Variants in DIXDC1 observed in about 807,000 individuals in gnomAD.
The protein encoded by DIXDC1 is DIX domain containing 1, also known as dixin.
DIXDC1 carries 64 observed loss-of-function variants against 103.1 expected under a neutral mutation model. The observed-to-expected ratio is 0.62, with a 90% confidence interval of 0.51 to 0.76. The LOEUF is 0.76. Ranked by LOEUF, DIXDC1 falls within the 30% of genes least tolerant of loss-of-function variation. The pLI is 0.00. For missense variants in DIXDC1, 759 were observed against 834.2 expected (o/e 0.91, Z 1.11); for synonymous variants, 266 against 298.5 (o/e 0.89, Z 1.12).
chr11:111,958,289 A>G lies in DIXDC1; in HGVS notation c.61-6260A>G, dbSNP rs1385324375. Among the ~76,000 whole-genome samples, 1 of 151,686 alleles carries G rather than the reference A, an allele frequency of 6.6e-6. No homozygotes were observed. Among genetic ancestry groups the G allele is most frequent in the African/African-American group, 2.4e-5 (1 of 41,268 alleles). ...GAGCAGGCAGGAGCCCCAACCCCTC[A>G]GGTATAGCTGCAGCTGCAGCTGCCC... On this transcript the variant is annotated intron_variant, in intron 1 of 19. Coordinates refer to ENST00000440460, the MANE Select transcript of DIXDC1 (RefSeq NM_001037954.4). This position sits in a 1 kb window ranked among gnomAD's most constrained non-coding sequence, Gnocchi z 4.2.
Position 111,980,995 on chromosome 11 carries a change from T to G in DIXDC1, c.769+146T>G, listed in dbSNP as rs1354890747. 5.0e-5 allele frequency: 29 copies of G among 580,686 alleles called. No homozygotes were observed. In the African/African-American group the frequency reaches 5.3e-4, roughly 11 times the overall value. 36.0% of individuals were successfully genotyped at this position (580,686 alleles called of 1,614,324 possible). ...CAGCACTAGAGGGCTCTAATGACTT[T>G]GAGCCAATTAATGTGGTTATCCTCT... On this transcript the variant is annotated intron_variant, in intron 6 of 19. Transcript: ENST00000440460.
intron 10 of DIXDC1, 69 bp from the exon 11 acceptor site, chr11:111,992,346 G>A: frequency 7.4e-7 from 1 of 1,358,202 alleles, no homozygotes; most frequent in Non-Finnish European, 1.0e-6. Context: ...AAAGGCTTTA[G>A]TAATTTGTAA....
chr11:111,962,557 T>C (rs1180174153), intron 1 of DIXDC1, among the ~76,000 whole-genome samples: 1 of 151,656 alleles, frequency 6.6e-6, no homozygotes, highest in Non-Finnish European at 1.5e-5. Flanking sequence ...GAACTGTACA[T>C]AATTCAGATG....
upstream of DIXDC1, among the ~76,000 whole-genome samples, chr11:111,936,183 T>C (rs1223485807): frequency 6.6e-6 from 1 of 152,276 alleles, no homozygotes; most frequent in Non-Finnish European, 1.5e-5. Context: ...GACAAGGCCC[T>C]GACCTTCTCT....
chr11:111,966,203 C>T (rs1419898373), intron 2 of DIXDC1, among the ~76,000 whole-genome samples: 1 of 143,428 alleles, frequency 7.0e-6, no homozygotes, highest in African/African-American at 2.6e-5. Flanking sequence ...CTGCAAAACC[C>T]GGGGTTTTTT....
At chr11:111,934,972 G>A (rs782230045), upstream of DIXDC1, among the ~76,000 whole-genome samples, 4 of 152,170 alleles carry the variant, frequency 2.6e-5, no homozygotes, top group Non-Finnish European at 4.4e-5. Flanking sequence ...CAGTAGCCAC[G>A]TATGGCCACT....
At chr11:111,939,115 ACC>A (rs1966326262) in intron 1 of DIXDC1, among the ~76,000 whole-genome samples, 1 of 152,036 alleles carries the variant, frequency 6.6e-6, no homozygotes, top group Admixed American at 6.6e-5. Context: ...GTTGTCTTAT[ACC>A]TCCTGCCCCA....
rs587631282 is a variant in DIXDC1, at chr11:112,000,130, GT to G, written c.1756+3985del. ...AGCCTAGGCTACAGAGGGAGACTTC[GT>G]CTCAAAAATAATAATAATAAAATAA... On this transcript the variant is annotated intron_variant, in intron 17 of 19. Coordinates refer to ENST00000440460, the MANE Select transcript of DIXDC1 (RefSeq NM_001037954.4). Among the ~76,000 whole-genome samples, 550 of 151,874 alleles carry G rather than the reference GT, an allele frequency of 3.6e-3. 2 individuals carry two copies. Among genetic ancestry groups the G allele is most frequent in the African/African-American group, 0.012 (510 of 41,426 alleles).
intron 2 of DIXDC1, among the ~76,000 whole-genome samples, chr11:111,932,124 G>A (rs1482226412): frequency 6.7e-6 from 1 of 148,594 alleles, no homozygotes; most frequent in Non-Finnish European, 1.5e-5. Flanking sequence ...TCTGCCTCCC[G>A]GGTTTGAGTG....
chr11:111,927,776 G>A (rs7118288), intron 1 of DIXDC1, among the ~76,000 whole-genome samples: 3,772 of 151,956 alleles, frequency 0.025, 161 homozygotes, highest in African/African-American at 0.086. Flanking sequence ...CAGCACTTTG[G>A]GAGGCTGAGG....
rs1859812070 is a variant in DIXDC1, at chr11:111,968,626, A to G, written c.304A>G (p.Thr102Ala). 3.1e-6 allele frequency: 5 copies of G among 1,608,906 alleles called. No individual in the cohort carries two copies. In the Admixed American group the frequency reaches 8.4e-5, roughly 27 times the overall value. The change falls in exon 3 of 20, where the codon ACT becomes GCT. Residue 102 changes from threonine to alanine, a missense_variant. This residue lies in a region of DIXDC1 where 657 missense variants were observed against 727.5 expected (regional missense o/e 0.90). Coordinates refer to ENST00000440460, the MANE Select transcript of DIXDC1 (RefSeq NM_001037954.4). ...CTCTAAAAAGATTCGTATGCACCAGACTTCGGCTAAAGGTCAGTGCCTCAT... is the reference window on the plus strand; with the variant it reads ...CTCTAAAAAGATTCGTATGCACCAGGCTTCGGCTAAAGGTCAGTGCCTCAT... ...VASKKIRMHQ[T>A]SAKDIVDGNL...
intron 8 of DIXDC1, 83 bp from the exon 9 acceptor site, chr11:111,986,788 G>C (rs1202294756): frequency 7.9e-7 from 1 of 1,269,898 alleles, no homozygotes; most frequent in Non-Finnish European, 1.1e-6. Flanking sequence ...GCATCTAGTA[G>C]TGCTCAATAA....
chr11:111,934,852 A>G (rs1157350835), upstream of DIXDC1, among the ~76,000 whole-genome samples: 3 of 152,228 alleles, frequency 2.0e-5, no homozygotes, highest in Non-Finnish European at 4.4e-5. Context: ...ACATCTTAAT[A>G]GTCATATGGG....
intron 17 of DIXDC1, among the ~76,000 whole-genome samples, chr11:112,005,812 C>G (rs1861217935): frequency 6.6e-6 from 1 of 152,122 alleles, no homozygotes; most frequent in Non-Finnish European, 1.5e-5. Flanking sequence ...TTGCAGTAAT[C>G]AGTAGAAGTA....
Position 111,980,820 on chromosome 11 carries a change from T to C in DIXDC1, c.740T>C (p.Ile247Thr), listed in dbSNP as rs1555173174. The C allele has an allele frequency of 6.2e-7, 1 of 1,614,002 alleles. No homozygotes were observed. The highest frequency in any genetic ancestry group is 8.5e-7 in the Non-Finnish European group (1 of 1,179,866). ...GAAGAGAAGGCAGATTTTGTGATTATTCCCGCTGAAGGAATAGAGAACAGA... is the reference window on the plus strand; with the variant it reads ...GAAGAGAAGGCAGATTTTGTGATTACTCCCGCTGAAGGAATAGAGAACAGA... ...QSEEKADFVI[I>T]PAEGIENRTE... The change falls in exon 6 of 20, where the codon ATT becomes ACT. Residue 247 changes from isoleucine to threonine, a missense_variant. Physicochemically the swap from Ile to Thr is moderately conservative, Grantham distance 89 (BLOSUM62 -1). This residue lies in a region of DIXDC1 where 657 missense variants were observed against 727.5 expected (regional missense o/e 0.90). Transcript: ENST00000440460.
Position 112,016,735 on chromosome 11 carries a change from A to G in DIXDC1, c.1801A>G (p.Thr601Ala). ...QSSPTVSSTCTKVLYFTDRSL... is the reference protein window; with the variant it reads ...QSSPTVSSTCAKVLYFTDRSL... ...CTCTCCAACTGTCAGCAGCACCTGT[A>G]CTAAAGTGCTCTATTTCACTGACCG... The change falls in exon 18 of 20, where the codon ACT becomes GCT. Residue 601 changes from threonine (T) to alanine (A), a missense_variant. Physicochemically the swap from Thr to Ala is moderately conservative, Grantham distance 58 (BLOSUM62 0). Transcript: ENST00000440460. 6.2e-7 allele frequency: 1 copy of G among 1,609,646 alleles called. No individual in the cohort carries two copies.
intron 8 of DIXDC1, 59 bp downstream of exon 8, chr11:111,985,380 C>T: frequency 1.5e-6 from 2 of 1,339,240 alleles, no homozygotes; most frequent in Non-Finnish European, 2.1e-6. Context: ...TTGTATTTAG[C>T]ATTTGACACT....
chr11:111,948,710 T>TCC (rs1966679113), intron 1 of DIXDC1, among the ~76,000 whole-genome samples: 1 of 150,654 alleles, frequency 6.6e-6, no homozygotes, highest in African/African-American at 2.5e-5. Flanking sequence ...TCCTTCATTC[T>TCC]CCCCGTCCCT....
rs587722881 is a variant in DIXDC1, at chr11:112,001,136, T to C, written c.1756+4990T>C. 9.2e-4 allele frequency among the ~76,000 whole-genome samples: 140 copies of C among 152,314 alleles called. 1 individual carries two copies. Among genetic ancestry groups the C allele is most frequent in the African/African-American group, 3.0e-3 (126 of 41,542 alleles). On this transcript the variant is annotated intron_variant, in intron 17 of 19. Transcript: ENST00000440460. ...CCTATAAAGAGGAATGAAGCACTGA[T>C]CCATGCTACAACGTGGATGAACTTG...
Sources: gnomAD v4.1 joint callset for allele counts (sites outside exome capture counted in the v4.1 genomes callset) on GRCh38, gnomAD v4.1.1 for gene constraint, gnomAD v4.1.1 regional missense constraint, Gnocchi (gnomAD v3.1) non-coding constraint, MANE v1.5 for transcripts, NCBI Gene and HGNC (gene_info 2026-07-23, HGNC 2026-07-21) for gene names.